PEX2: variants seen among roughly 807,000 people sequenced by gnomAD.
PEX2 encodes the protein peroxisomal biogenesis factor 2, also known as peroxisome biogenesis factor 2.
PEX2 carries 19 observed loss-of-function variants against 25.2 expected under a neutral mutation model. The ratio of observed to expected loss-of-function variants is 0.75; its 90% confidence interval spans 0.53 to 1.10. The LOEUF is 1.10. Among genes scored for constraint, PEX2 ranks in the 50% least tolerant of loss-of-function variants. PEX2 has a pLI of 0.00. For missense variants in PEX2, 347 were observed against 350.6 expected, an observed-to-expected ratio of 0.99 and a Z score of 0.08; for synonymous variants, 141 against 127.7, an observed-to-expected ratio of 1.10 and a Z score of -0.70.
At chr8:76,998,002 T>C (rs575850034) in intron 1 of PEX2, among the ~76,000 whole-genome samples, 2 of 152,332 alleles carry the variant, frequency 1.3e-5, no homozygotes, top group East Asian at 3.9e-4. Flanking sequence ...TACAAACTGT[T>C]ATCACTTCAC....
Position 76,983,939 on chromosome 8 carries a change from AACTG to A in PEX2, c.236_239del (p.Ser79PhefsTer2), listed in dbSNP as rs754908737. 6.2e-7 allele frequency: 1 copy of A among 1,614,144 alleles called. No individual in the cohort carries two copies. The highest frequency in any genetic ancestry group is 1.3e-5 in the African/African-American group (1 of 75,018). On this transcript the variant is annotated frameshift_variant, in exon 4 of 4. Coordinates refer to ENST00000357039, the MANE Select transcript of PEX2 (RefSeq NM_000318.3). LOFTEE classifies it high-confidence loss of function. ...AATCATTTTTGTACTTAATATTCAA[AACTG>A]ACTGTCCCACTGTGGCATTTTTGGA...
At chr8:76,993,355 T>C (rs1807229900) in intron 1 of PEX2, among the ~76,000 whole-genome samples, 1 of 152,200 alleles carries the variant, frequency 6.6e-6, no homozygotes, top group South Asian at 2.1e-4. Flanking sequence ...TTCAGGGGCC[T>C]ACCTATGATG....
intron 1 of PEX2, among the ~76,000 whole-genome samples, chr8:76,992,360 G>C (rs755272199): frequency 6.6e-6 from 1 of 152,156 alleles, no homozygotes; most frequent in African/African-American, 2.4e-5. Flanking sequence ...GGTACAGGCA[G>C]TCCAAGACAA....
chr8:76,985,401 G>C (rs547989484), intron 3 of PEX2, among the ~76,000 whole-genome samples: 113 of 152,254 alleles, frequency 7.4e-4, no homozygotes, highest in African/African-American at 2.4e-3. Context: ...GAATAGCATA[G>C]TTAATATGCT....
intron 2 of PEX2, among the ~76,000 whole-genome samples, chr8:76,987,137 G>A (rs1289807070): frequency 6.6e-6 from 1 of 152,124 alleles, no homozygotes; most frequent in Non-Finnish European, 1.5e-5. Flanking sequence ...TGATATAATG[G>A]TACAACAGAC....
chr8:76,985,574 T>C (rs1268535741), intron 3 of PEX2, among the ~76,000 whole-genome samples: 2 of 152,148 alleles, frequency 1.3e-5, no homozygotes, highest in African/African-American at 2.4e-5. Context: ...TTGCACACTT[T>C]GAATATATAC....
intron 1 of PEX2, among the ~76,000 whole-genome samples, chr8:76,990,989 C>T (rs143049108): frequency 7.9e-4 from 120 of 152,224 alleles, no homozygotes; most frequent in Middle Eastern, 3.4e-3. Flanking sequence ...TAAAATATAA[C>T]GAGGTGTGAA....
At chr8:76,997,984 G>C (rs1807387403) in intron 1 of PEX2, among the ~76,000 whole-genome samples, 1 of 152,146 alleles carries the variant, frequency 6.6e-6, no homozygotes, top group African/African-American at 2.4e-5. Flanking sequence ...AAAGGAACAT[G>C]AAACATTTAC....
At position 76,983,214 on chromosome 8, in the gene PEX2, A is replaced by T. The variant is rs770342305; in HGVS notation, c.*47T>A. The T allele has an allele frequency of 1.2e-6, 2 of 1,602,958 alleles. No individual in the cohort carries two copies. The highest frequency in any genetic ancestry group is 4.5e-5 in the East Asian group (2 of 44,898). Reference sequence around the variant, plus strand: ...ATACTTAGGATGACTAATATTAAGAATTTAAACACGGTGCATTTTTTTCCT... The same window carrying T: ...ATACTTAGGATGACTAATATTAAGATTTTAAACACGGTGCATTTTTTTCCT... On this transcript the variant is annotated 3_prime_UTR_variant, in exon 4 of 4. Coordinates refer to ENST00000357039, the MANE Select transcript of PEX2 (RefSeq NM_000318.3).
At position 76,983,844 on chromosome 8, in the gene PEX2, C is replaced by A; in HGVS notation, c.335G>T (p.Gly112Val). Residue 112 changes from glycine to valine, a missense_variant, in exon 4 of 4, where the codon GGT (glycine) becomes GTT (valine). By Grantham distance (109) the Gly-to-Val change is moderately radical. Transcript: ENST00000357039. ...QKIWYAVCTI[G>V]GRWLEERCYD... Reference sequence around the variant, plus strand: ...GCATCGTTCTTCTAACCACCTGCCACCAATTGTACAAACAGCATACCAGAT... The same window carrying A: ...GCATCGTTCTTCTAACCACCTGCCAACAATTGTACAAACAGCATACCAGAT... The A allele has an allele frequency of 6.2e-7, 1 of 1,614,150 alleles. No homozygotes were observed. Among genetic ancestry groups the A allele is most frequent in the Non-Finnish European group, 8.5e-7 (1 of 1,180,018 alleles).
At chr8:77,000,678 A>G (rs982710622), upstream of PEX2, among the ~76,000 whole-genome samples, 2 of 152,180 alleles carry the variant, frequency 1.3e-5, no homozygotes, top group Non-Finnish European at 2.9e-5. Flanking sequence ...GAAGGCAGGT[A>G]GCTGGCCCGT....
At chr8:76,984,417 C>A (rs953314158) in intron 3 of PEX2, among the ~76,000 whole-genome samples, 4 of 151,918 alleles carry the variant, frequency 2.6e-5, no homozygotes, top group Non-Finnish European at 4.4e-5. Flanking sequence ...TTCTTAATTT[C>A]TTTTTCTTTT....
At chr8:76,990,722 T>C (rs549071869) in intron 1 of PEX2, among the ~76,000 whole-genome samples, 14 of 151,978 alleles carry the variant, frequency 9.2e-5, no homozygotes, top group Non-Finnish European at 1.8e-4. Flanking sequence ...TTCACCATCT[T>C]ATATGGATAC....
rs1443964732 is a variant in PEX2, at chr8:76,982,424, A to AT, written c.*836dup. 6.6e-6 allele frequency: 1 copy of AT among 152,176 alleles called. No homozygotes were observed. Among genetic ancestry groups the AT allele is most frequent in the Non-Finnish European group, 1.5e-5 (1 of 68,058 alleles). The allele number at this position is 152,176 out of a possible 1,614,324, so 9.4% of individuals were successfully genotyped here. On this transcript the variant is annotated 3_prime_UTR_variant, in exon 4 of 4. Coordinates refer to ENST00000357039, the MANE Select transcript of PEX2 (RefSeq NM_000318.3). ...CCTCACTTCCAAGCTGCCTTAAGTA[A>AT]TTTTTACTTTCTGAATATAAAGCCA...
rs1806915769 is a variant in PEX2, at chr8:76,983,798, A to T, written c.381T>A (p.His127Gln). 1 of 1,614,034 alleles carries T rather than the reference A, an allele frequency of 6.2e-7. No homozygotes were observed. The highest frequency in any genetic ancestry group is 1.1e-5 in the South Asian group (1 of 91,080). The change falls in exon 4 of 4, where the codon CAT becomes CAA. Residue 127 changes from histidine to glutamine, a missense_variant. Transcript: ENST00000357039. ...TGACTTTCCCAAATGATGCTAAATG[A>T]TGGTTTCGAAACAAATCATAGCATC... is the stretch of plus-strand genomic sequence containing the variant. Reference protein sequence around the residue: ...EERCYDLFRNHHLASFGKVKQ... With the variant: ...EERCYDLFRNQHLASFGKVKQ...
intron 1 of PEX2, 60 bp downstream of exon 1, chr8:76,999,930 C>T (rs1367851240): frequency 6.6e-6 from 3 of 456,642 alleles, no homozygotes; most frequent in Admixed American, 2.3e-5. Flanking sequence ...AACTCCACGA[C>T]CTCCCAGCTG....
Position 76,983,968 on chromosome 8 carries a change from A to C in PEX2, c.211T>G (p.Ser71Ala). 6.2e-7 allele frequency: 1 copy of C among 1,614,126 alleles called. No homozygotes were observed. The highest frequency in any genetic ancestry group is 1.1e-5 in the South Asian group (1 of 91,086). The change falls in exon 4 of 4, where the codon TCC becomes GCC. Residue 71 changes from serine (S) to alanine (A), a missense_variant. Coordinates refer to ENST00000357039, the MANE Select transcript of PEX2 (RefSeq NM_000318.3). ...GACTGTCCCACTGTGGCATTTTTGG[A>C]GTAGATGGTGAATCTCCACAAGAAA... ...WVFLWRFTIY[S>A]KNATVGQSVL...
chr8:76,988,410 A>G (rs1376782976), intron 1 of PEX2, 72 bp from the exon 2 acceptor site: 7 of 152,272 alleles, frequency 4.6e-5, no homozygotes, highest in Admixed American at 6.5e-5. Context: ...TATAAAACTT[A>G]TATTTTCACT....
intron 1 of PEX2, among the ~76,000 whole-genome samples, chr8:76,989,548 A>G (rs1807103642): frequency 6.6e-6 from 1 of 152,178 alleles, no homozygotes; most frequent in Non-Finnish European, 1.5e-5. Flanking sequence ...AAAAAATATA[A>G]AAGTCAAAAT....
Sources: gnomAD v4.1 joint callset for allele counts (sites outside exome capture counted in the v4.1 genomes callset) on GRCh38, gnomAD v4.1.1 for gene constraint, MANE v1.5 for transcripts, NCBI Gene and HGNC (gene_info 2026-07-23, HGNC 2026-07-21) for gene names.